SASH1: variants seen among roughly 807,000 people sequenced by gnomAD.
The protein encoded by SASH1 is SAM and SH3 domain-containing protein 1.
Under a neutral mutation model 125.2 loss-of-function variants are expected in SASH1, and 44 were observed. The observed-to-expected ratio is 0.35, with a 90% CI of 0.28 to 0.45. The LOEUF is 0.45. Ranked by LOEUF, SASH1 falls within the 20% of genes least tolerant of loss-of-function variation. The pLI is 1.00. For missense variants in SASH1, 1,426 were observed against 1,614.5 expected (o/e 0.88, Z 2.00); for synonymous variants, 639 against 649.1 (o/e 0.98, Z 0.24).
intron 6 of SASH1, among the ~76,000 whole-genome samples, chr6:148,471,993 G>A (rs369562960): frequency 9.9e-5 from 15 of 152,276 alleles, no homozygotes; most frequent in African/African-American, 3.1e-4. Context: ...GAATTTGCCC[G>A]GGCGGCTTTG....
chr6:148,448,449 C>A (rs1356980272), intron 4 of SASH1, among the ~76,000 whole-genome samples: 1 of 152,140 alleles, frequency 6.6e-6, no homozygotes, highest in Non-Finnish European at 1.5e-5. Context: ...AGGAACCTAA[C>A]CAGAGGCCTC....
chr6:148,214,478 T>C, the SASH1 span, among the ~76,000 whole-genome samples: 1 of 152,188 alleles, frequency 6.6e-6, no homozygotes, highest in Non-Finnish European at 1.5e-5. Flanking sequence ...GACATTAAAA[T>C]TAGTATTACC....
the SASH1 span, among the ~76,000 whole-genome samples, chr6:148,215,488 C>T: frequency 5.3e-5 from 8 of 152,164 alleles, no homozygotes; most frequent in East Asian, 3.9e-4. Context: ...CAAAAGCTAA[C>T]ACTCTGGGCT....
chr6:148,322,830 CAG>C (rs1365401287), intron 1 of SASH1, among the ~76,000 whole-genome samples: 2 of 152,080 alleles, frequency 1.3e-5, no homozygotes, highest in African/African-American at 2.4e-5. Flanking sequence ...CTCATTTACA[CAG>C]AGGGGTTTCA....
chr6:148,383,015 C>A (rs1783209521), intron 1 of SASH1, among the ~76,000 whole-genome samples: 1 of 152,196 alleles, frequency 6.6e-6, no homozygotes, highest in African/African-American at 2.4e-5. Context: ...GGGAGTGATA[C>A]CTCAGAAAAG....
At chr6:148,234,819 C>T in the SASH1 span, among the ~76,000 whole-genome samples, 1 of 149,142 alleles carries the variant, frequency 6.7e-6, no homozygotes, top group Non-Finnish European at 1.5e-5. Context: ...AAGAGCGAAA[C>T]TCCGTTTCAG....
the SASH1 span, among the ~76,000 whole-genome samples, chr6:148,203,707 C>T: frequency 0.041 from 6,267 of 152,236 alleles, 172 homozygotes; most frequent in Non-Finnish European, 0.057. Flanking sequence ...CTGCAGAGCA[C>T]GAGGATGAGT....
rs1449878932 is a variant in SASH1, at chr6:148,531,586, T to C, written c.1489T>C (p.Leu497=). 51 of 1,580,056 alleles carry C rather than the reference T, an allele frequency of 3.2e-5. No individual in the cohort carries two copies. Among genetic ancestry groups the C allele is most frequent in the Non-Finnish European group, 4.2e-5 (49 of 1,162,666 alleles). Residue 497 remains leucine (L), a synonymous_variant, in exon 13 of 20, where the codon TTG becomes CTG. Coordinates refer to ENST00000367467, the MANE Select transcript of SASH1 (RefSeq NM_015278.5). ...PPPSQPDPEH[L]DKPKLKAGGS... is the part of the protein sequence containing the mutation. ...GCCTTCACAGCCCGACCCCGAACAC[T>C]TGGACAAGCCCAAGCTCAAGGCCGG...
chr6:148,426,330 G>T (rs1775824331), intron 2 of SASH1, among the ~76,000 whole-genome samples: 1 of 152,094 alleles, frequency 6.6e-6, no homozygotes, highest in African/African-American at 2.4e-5. Context: ...GGGGAAAGGG[G>T]TCGGACAGCT....
rs1205918636 is a variant in SASH1 at position 148,533,567 on chromosome 6, C to T, written c.1735-204C>T. ...TGTGACCGGGGGCCTGCGTGGAATT[C>T]CGTACAGTCAGAGACACCTGTCTGG... On this transcript the variant is annotated intron_variant, in intron 14 of 19. Coordinates refer to ENST00000367467, the MANE Select transcript of SASH1 (RefSeq NM_015278.5). The surrounding 1 kb of genome is among the most constrained non-coding windows in gnomAD (Gnocchi z 6.2). Among the ~76,000 whole-genome samples the T allele has an allele frequency of 1.3e-5, 2 of 152,118 alleles. No individual in the cohort carries two copies. Among genetic ancestry groups the T allele is most frequent in the African/African-American group, 4.8e-5 (2 of 41,428 alleles).
chr6:148,231,270 T>G, the SASH1 span, among the ~76,000 whole-genome samples: 2 of 152,234 alleles, frequency 1.3e-5, no homozygotes, highest in Non-Finnish European at 2.9e-5. Flanking sequence ...ACATCCTTGT[T>G]AGCAATCAAT....
At chr6:148,244,938 G>GTGTGTGTTTGTGTGTGTA in the SASH1 span, among the ~76,000 whole-genome samples, 1 of 119,694 alleles carries the variant, frequency 8.4e-6, no homozygotes, top group Non-Finnish European at 2.0e-5. Context: ...GTGTATGTGT[G>GTGTGTGTTTGTGTGTGTA]TGTGTGTGTG....
the SASH1 span, among the ~76,000 whole-genome samples, chr6:148,196,268 G>A: frequency 4.6e-5 from 7 of 152,230 alleles, no homozygotes; most frequent in Admixed American, 3.3e-4. Flanking sequence ...ACCCCTGGGA[G>A]CTCAAATTCA....
chr6:148,518,872 C>T (rs1015519580), intron 9 of SASH1, among the ~76,000 whole-genome samples: 6 of 152,166 alleles, frequency 3.9e-5, no homozygotes, highest in South Asian at 2.1e-4. Flanking sequence ...GAGCTGCCTG[C>T]GTGTCAGGGC....
intron 4 of SASH1, among the ~76,000 whole-genome samples, chr6:148,464,272 C>G (rs894950825): frequency 1.3e-5 from 2 of 152,126 alleles, no homozygotes; most frequent in African/African-American, 4.8e-5. Context: ...TATTGATGAA[C>G]AAATATTTGC....
intron 1 of SASH1, among the ~76,000 whole-genome samples, chr6:148,279,250 A>G (rs6570832): frequency 0.79 from 119,472 of 152,074 alleles, 47,319 homozygotes; most frequent in African/African-American, 0.88. Flanking sequence ...CTCGGCCCCC[A>G]AAAGTGCTAG....
intron 1 of SASH1, among the ~76,000 whole-genome samples, chr6:148,386,938 C>T (rs1783390857): frequency 6.6e-6 from 1 of 151,996 alleles, no homozygotes; most frequent in Non-Finnish European, 1.5e-5. Flanking sequence ...ACAAACATCC[C>T]TAGGTGAATC....
Position 148,512,688 on chromosome 6 carries a change from G to A in SASH1, c.730-1636G>A, listed in dbSNP as rs148522977. 2.3e-4 allele frequency: 228 copies of A among 985,160 alleles called. 1 individual carries two copies. In the African/African-American group the frequency reaches 3.2e-3, roughly 14 times the overall value. 61.0% of individuals were successfully genotyped at this position (985,160 alleles called of 1,614,324 possible). ...GCATCCAGTGTAGCCTGTCCCCACC[G>A]TTACCTGGGAGTCCAGTTCCCATTC... On this transcript the variant is annotated intron_variant, in intron 8 of 19. Coordinates refer to ENST00000367467, the MANE Select transcript of SASH1 (RefSeq NM_015278.5).
intron 2 of SASH1, among the ~76,000 whole-genome samples, chr6:148,407,752 C>T (rs1784434215): frequency 6.6e-6 from 1 of 152,174 alleles, no homozygotes; most frequent in Admixed American, 6.5e-5. Flanking sequence ...CTTGTCTCAG[C>T]CTCCCGAGTA....
Sources: gnomAD v4.1 joint callset for allele counts (sites outside exome capture counted in the v4.1 genomes callset) on GRCh38, gnomAD v4.1.1 for gene constraint, Gnocchi (gnomAD v3.1) non-coding constraint, MANE v1.5 for transcripts, NCBI Gene and HGNC (gene_info 2026-07-23, HGNC 2026-07-21) for gene names.